The following CTNNB1 variants were observed in gnomAD, a reference collection of about 807,000 sequenced individuals.
The protein encoded by CTNNB1 is catenin beta 1.
A neutral mutation model predicts 82.5 loss-of-function variants in CTNNB1; 6 were observed. The observed-to-expected ratio is 0.07, with a 90% CI of 0.04 to 0.14. The LOEUF (loss-of-function observed/expected upper bound fraction) is 0.14, where lower values mean the gene tolerates loss of function less well. Ranked by LOEUF, CTNNB1 falls within the 10% of genes least tolerant of loss-of-function variation. The pLI is 1.00. For missense variants in CTNNB1, 529 were observed against 980.4 expected, an observed-to-expected ratio of 0.54 and a Z score of 6.15; for synonymous variants, 312 against 329.7, an observed-to-expected ratio of 0.95 and a Z score of 0.58.
At chr3:41,232,906 A>G (rs1338502904) in intron 7 of CTNNB1, among the ~76,000 whole-genome samples, 1 of 152,018 alleles carries the variant, frequency 6.6e-6, no homozygotes, top group Non-Finnish European at 1.5e-5. Flanking sequence ...GTTTTAGTTT[A>G]TTGTATATTT....
At chr3:41,203,526 C>T (rs2077582514) in intron 1 of CTNNB1, among the ~76,000 whole-genome samples, 2 of 151,780 alleles carry the variant, frequency 1.3e-5, no homozygotes, top group African/African-American at 4.8e-5. Context: ...CTGAAATTCT[C>T]AGAAAAAAAT....
intron 1 of CTNNB1, among the ~76,000 whole-genome samples, chr3:41,217,711 A>G (rs1050627864): frequency 3.9e-5 from 6 of 152,210 alleles, no homozygotes; most frequent in African/African-American, 1.4e-4. Flanking sequence ...AGTAGATATT[A>G]TCAATCTTTT....
At position 41,233,960 on chromosome 3, in the gene CTNNB1, A is replaced by C. The variant is rs559507697; in HGVS notation, c.1524+93A>C. ...GGCTGTCTAAGCATAGTGATCAATA[A>C]GTAGGAATTGTATTCCTTAGTAAGT... is the stretch of plus-strand genomic sequence containing the variant. On this transcript the variant is annotated intron_variant, in intron 9 of 14. Coordinates refer to ENST00000349496, the MANE Select transcript of CTNNB1 (RefSeq NM_001904.4). 5 of 1,453,198 alleles carry C rather than the reference A, an allele frequency of 3.4e-6. No homozygotes were observed. The African/African-American group carries it at 7.0e-5, about 20-fold the overall frequency. 90.0% of individuals were successfully genotyped at this position (1,453,198 alleles called of 1,614,324 possible). A position where few individuals can be genotyped will look rare whatever the true frequency, so the allele number is the denominator to read the frequency against.
intron 1 of CTNNB1, among the ~76,000 whole-genome samples, chr3:41,204,629 A>G (rs1387080058): frequency 6.6e-6 from 1 of 152,252 alleles, no homozygotes; most frequent in African/African-American, 2.4e-5. Context: ...ATGTTGCCAG[A>G]TCATCTGATT....
At chr3:41,204,137 G>A (rs1310345615) in intron 1 of CTNNB1, among the ~76,000 whole-genome samples, 1 of 151,474 alleles carries the variant, frequency 6.6e-6, no homozygotes. Context: ...TGCTTTATGT[G>A]AATGATTATT....
chr3:41,215,474 T>C (rs944924835), intron 1 of CTNNB1, among the ~76,000 whole-genome samples: 12 of 151,868 alleles, frequency 7.9e-5, no homozygotes, highest in Non-Finnish European at 1.6e-4. Context: ...TGTTCTCCTG[T>C]TCACATTTTG....
intron 7 of CTNNB1, among the ~76,000 whole-genome samples, chr3:41,230,551 T>A (rs1043485349): frequency 1.6e-4 from 25 of 152,352 alleles, no homozygotes; most frequent in African/African-American, 5.5e-4. Flanking sequence ...TAATTCTTAG[T>A]CTTGTGAAGG....
At chr3:41,206,943 C>T (rs752519430) in intron 1 of CTNNB1, among the ~76,000 whole-genome samples, 3 of 152,310 alleles carry the variant, frequency 2.0e-5, no homozygotes, top group African/African-American at 2.4e-5. Context: ...ATTTAGGAAA[C>T]GTAATACACT....
At chr3:41,199,996 G>A (rs997173391) in intron 1 of CTNNB1, 2 of 149,300 alleles carry the variant, frequency 1.3e-5, no homozygotes, top group Non-Finnish European at 3.0e-5. Context: ...GTTTCCGTCC[G>A]GGGCTCTGGC....
intron 1 of CTNNB1, among the ~76,000 whole-genome samples, chr3:41,201,167 G>A (rs962465665): frequency 7.9e-5 from 12 of 152,250 alleles, no homozygotes; most frequent in African/African-American, 1.2e-4. Flanking sequence ...AGATGTCTTC[G>A]TGTTGACTTG....
At chr3:41,217,600 T>TGA in intron 1 of CTNNB1, among the ~76,000 whole-genome samples, 1 of 152,246 alleles carries the variant, frequency 6.6e-6, no homozygotes, top group South Asian at 2.1e-4. Flanking sequence ...ACATTTCTGT[T>TGA]ATAAAAATTG....
At chr3:41,213,101 T>A (rs1158583837) in intron 1 of CTNNB1, among the ~76,000 whole-genome samples, 1 of 152,228 alleles carries the variant, frequency 6.6e-6, no homozygotes, top group Non-Finnish European at 1.5e-5. Flanking sequence ...AAAACACTTT[T>A]CTTACCAAAG....
intron 1 of CTNNB1, among the ~76,000 whole-genome samples, chr3:41,214,549 A>T (rs879557737): frequency 1.3e-5 from 2 of 152,162 alleles, no homozygotes; most frequent in Admixed American, 1.3e-4. Flanking sequence ...TTTTGAAGAT[A>T]CTTACGGGGG....
intron 6 of CTNNB1, among the ~76,000 whole-genome samples, chr3:41,226,079 C>T (rs2078169208): frequency 6.6e-6 from 1 of 152,132 alleles, no homozygotes. Flanking sequence ...GCCTAGATCC[C>T]TCGCATGTGC....
At position 41,236,562 on chromosome 3, in the gene CTNNB1, A is replaced by G. The variant is rs760203500; in HGVS notation, c.1955-26A>G. On this transcript the variant is annotated intron_variant, in intron 12 of 14. Transcript: ENST00000349496. The stretch of plus-strand genomic sequence containing the variant: ...ACATTGAAGTCTCAGTTTTTCCTCA[A>G]GGGCCTTTTTCTCCTTGTCTCTTAG... 8 of 1,614,156 alleles carry G rather than the reference A, an allele frequency of 5.0e-6. No homozygotes were observed. In the East Asian group the frequency reaches 1.1e-4, roughly 22 times the overall value.
chr3:41,238,546 TAA>T (rs2125651598), intron 14 of CTNNB1: 1 of 193,262 alleles, frequency 5.2e-6, no homozygotes, highest in South Asian at 1.0e-4. Flanking sequence ...CTAACAATTA[TAA>T]CTGTCTTACA....
At chr3:41,217,944 A>G (rs1223991323) in intron 1 of CTNNB1, among the ~76,000 whole-genome samples, 1 of 152,154 alleles carries the variant, frequency 6.6e-6, no homozygotes, top group Non-Finnish European at 1.5e-5. Flanking sequence ...GAATTACTTC[A>G]AATGTGATTT....
chr3:41,215,382 C>CAAAAAAAAA (rs35166040), intron 1 of CTNNB1, among the ~76,000 whole-genome samples: 1 of 48,846 alleles, frequency 2.0e-5, no homozygotes, highest in Non-Finnish European at 3.4e-5. Flanking sequence ...AACACCATCT[C>CAAAAAAAAA]AAAAAAAAAA....
intron 1 of CTNNB1, among the ~76,000 whole-genome samples, chr3:41,209,915 AACACTGT>A (rs944819818): frequency 1.3e-5 from 2 of 152,178 alleles, no homozygotes; most frequent in Non-Finnish European, 2.9e-5. Flanking sequence ...AGACTTTATA[AACACTGT>A]ACACTTGGGC....
Sources: gnomAD v4.1 joint callset for allele counts (sites outside exome capture counted in the v4.1 genomes callset) on GRCh38, gnomAD v4.1.1 for gene constraint, MANE v1.5 for transcripts, NCBI Gene and HGNC (gene_info 2026-07-23, HGNC 2026-07-21) for gene names.